Variants in MGAT4C observed in about 807,000 individuals in gnomAD.
The protein encoded by MGAT4C is alpha-1,3-mannosyl-glycoprotein 4-beta-N-acetylglucosaminyltransferase C.
MGAT4C carries 19 observed loss-of-function variants against 40.1 expected under a neutral mutation model. The ratio of observed to expected loss-of-function variants is 0.47; its 90% CI spans 0.33 to 0.70. The LOEUF (loss-of-function observed/expected upper bound fraction) is 0.70. Ranked by LOEUF, MGAT4C falls within the 30% of genes least tolerant of loss-of-function variation. The probability of loss-of-function intolerance (pLI) is 0.02; values close to 1 mark genes in which losing one functional copy is unlikely to be tolerated. For synonymous variants in MGAT4C, 181 were observed against 187.1 expected (o/e 0.97, Z 0.27); for missense variants, 491 against 563.2 (o/e 0.87, Z 1.30).
chr12:86,187,155 C>G (rs548685234), intron 1 of MGAT4C, among the ~76,000 whole-genome samples: 5 of 152,054 alleles, frequency 3.3e-5, no homozygotes, highest in South Asian at 4.1e-4. Context: ...TTCTATCAAC[C>G]ATTTTATTAG....
At chr12:86,408,222 G>C (rs1279883170) in intron 3 of MGAT4C, among the ~76,000 whole-genome samples, 1 of 151,748 alleles carries the variant, frequency 6.6e-6, no homozygotes, top group African/African-American at 2.4e-5. Context: ...TTTGTAGTAT[G>C]CTTCATTTTG....
intron 2 of MGAT4C, among the ~76,000 whole-genome samples, chr12:86,565,537 T>C (rs762471147): frequency 6.6e-6 from 1 of 152,220 alleles, no homozygotes; most frequent in Non-Finnish European, 1.5e-5. Context: ...TGCACCTGGT[T>C]GTGCACTTTG....
intron 4 of MGAT4C, among the ~76,000 whole-genome samples, chr12:86,321,329 G>C (rs1954380293): frequency 1.3e-5 from 2 of 152,054 alleles, no homozygotes; most frequent in Non-Finnish European, 2.9e-5. Context: ...TCATATCCTT[G>C]TATTTCTATC....
At chr12:86,660,528 C>G (rs943279823) in intron 2 of MGAT4C, among the ~76,000 whole-genome samples, 1 of 152,012 alleles carries the variant, frequency 6.6e-6, no homozygotes, top group East Asian at 1.9e-4. Context: ...AGAGATCTAA[C>G]CTGGGATACA....
chr12:86,476,437 GT>G (rs1957836650), intron 2 of MGAT4C, among the ~76,000 whole-genome samples: 1 of 152,022 alleles, frequency 6.6e-6, no homozygotes, highest in South Asian at 2.1e-4. Flanking sequence ...ACAGATGCTG[GT>G]GAGGCTTTGG....
intron 3 of MGAT4C, among the ~76,000 whole-genome samples, chr12:86,351,568 A>G (rs1398804637): frequency 6.6e-6 from 1 of 152,052 alleles, no homozygotes; most frequent in Non-Finnish European, 1.5e-5. Flanking sequence ...AGTTGATGAA[A>G]AATTATCAGA....
chr12:86,376,431 T>C (rs1955823189), intron 3 of MGAT4C, among the ~76,000 whole-genome samples: 1 of 151,898 alleles, frequency 6.6e-6, no homozygotes, highest in Non-Finnish European at 1.5e-5. Context: ...TTATTGTGTA[T>C]ATACATATAT....
At chr12:86,574,015 A>T (rs150514127) in intron 2 of MGAT4C, among the ~76,000 whole-genome samples, 79 of 152,004 alleles carry the variant, frequency 5.2e-4, no homozygotes, top group African/African-American at 1.8e-3. Context: ...TACGTTGAAT[A>T]ATCTTGGAAT....
rs1565962957 is a variant in MGAT4C at position 86,748,259 on chromosome 12, T to C, written c.-261-21018A>G. ...GTCATCAACTCATTTTCATATAATA[T>C]TGGCAATGAGAACTGTAACAAACAG... On this transcript the variant is annotated intron_variant, in intron 1 of 7. Transcript: ENST00000548651. Among the ~76,000 whole-genome samples the C allele has an allele frequency of 2.0e-5, 3 of 151,666 alleles. No homozygotes were observed. In the South Asian group the frequency reaches 6.2e-4, roughly 31 times the overall value.
chr12:86,133,882 T>C (rs1881586562), intron 1 of MGAT4C, among the ~76,000 whole-genome samples: 1 of 152,076 alleles, frequency 6.6e-6, no homozygotes, highest in Non-Finnish European at 1.5e-5. Flanking sequence ...AGTAATCATC[T>C]CATTCCATGG....
At chr12:86,140,894 G>A (rs540450844) in intron 1 of MGAT4C, among the ~76,000 whole-genome samples, 1 of 152,104 alleles carries the variant, frequency 6.6e-6, no homozygotes, top group South Asian at 2.1e-4. Context: ...TCAACCCATA[G>A]TTATGTTATT....
intron 2 of MGAT4C, among the ~76,000 whole-genome samples, chr12:86,536,902 T>C (rs1959079966): frequency 6.6e-6 from 1 of 152,220 alleles, no homozygotes; most frequent in Admixed American, 6.5e-5. Flanking sequence ...CATGCTGCTA[T>C]AAAGACACAT....
intron 1 of MGAT4C, among the ~76,000 whole-genome samples, chr12:86,132,175 T>C (rs1881281802): frequency 6.6e-6 from 1 of 152,148 alleles, no homozygotes; most frequent in African/African-American, 2.4e-5. Flanking sequence ...ATGAATGTAT[T>C]CAATGAGTAC....
At chr12:86,203,121 A>G (rs926657986) in intron 1 of MGAT4C, among the ~76,000 whole-genome samples, 1 of 151,804 alleles carries the variant, frequency 6.6e-6, no homozygotes, top group African/African-American at 2.4e-5. Context: ...AAGGAGAGAT[A>G]ATTTCTTTCT....
At chr12:86,625,357 G>A (rs1003095902) in intron 2 of MGAT4C, among the ~76,000 whole-genome samples, 2 of 152,008 alleles carry the variant, frequency 1.3e-5, no homozygotes, top group African/African-American at 4.8e-5. Context: ...TAGGTATAAA[G>A]AATTATAGGA....
At chr12:86,222,621 T>C (rs1950925769) in intron 1 of MGAT4C, among the ~76,000 whole-genome samples, 1 of 152,210 alleles carries the variant, frequency 6.6e-6, no homozygotes, top group Non-Finnish European at 1.5e-5. Context: ...CTATTCTTAA[T>C]TTTAATCTCT....
chr12:86,517,881 C>T (rs1958723884), intron 2 of MGAT4C, among the ~76,000 whole-genome samples: 1 of 152,162 alleles, frequency 6.6e-6, no homozygotes, highest in African/African-American at 2.4e-5. Flanking sequence ...ATCTCCTGAC[C>T]TCGTGATCTG....
chr12:86,049,471 C>T (rs896844077), intron 2 of MGAT4C, among the ~76,000 whole-genome samples: 4 of 151,984 alleles, frequency 2.6e-5, no homozygotes, highest in African/African-American at 4.8e-5. Flanking sequence ...ATGGCTTGTA[C>T]TCAGAAATGT....
chr12:86,343,685 C>T (rs1954950774), intron 3 of MGAT4C, among the ~76,000 whole-genome samples: 1 of 152,176 alleles, frequency 6.6e-6, no homozygotes, highest in Non-Finnish European at 1.5e-5. Flanking sequence ...ATGTATTACA[C>T]TGTGTACACT....
Sources: allele counts gnomAD v4.1 joint callset (sites outside exome capture counted in the v4.1 genomes callset), GRCh38; gene constraint gnomAD v4.1.1; transcripts MANE v1.5; gene names NCBI Gene and HGNC (gene_info 2026-07-23, HGNC 2026-07-21).